Variants in ADCY5 observed in about 807,000 individuals in gnomAD.
The protein encoded by ADCY5 is adenylate cyclase type 5.
In ADCY5, 30 loss-of-function variants were observed where a neutral mutation model predicts 119.7. The observed-to-expected ratio is 0.25, with a 90% CI of 0.19 to 0.34. The LOEUF (loss-of-function observed/expected upper bound fraction) is 0.34. ADCY5 is among the 10% of genes least tolerant of loss of function. ADCY5 has a pLI of 1.00. For synonymous variants in ADCY5, 753 were observed against 762.2 expected (o/e 0.99, Z 0.20); for missense variants, 1,324 against 1,775.2 (o/e 0.75, Z 4.57).
chr3:123,320,611 G>T, intron 9 of ADCY5, 138 bp downstream of exon 9: 1 of 1,211,214 alleles, frequency 8.3e-7, no homozygotes, highest in Non-Finnish European at 1.2e-6. Context: ...TGACGGCTAG[G>T]GTGGGCTCCA....
chr3:123,418,118 T>C (rs1945224975), intron 1 of ADCY5, among the ~76,000 whole-genome samples: 1 of 152,202 alleles, frequency 6.6e-6, no homozygotes, highest in Non-Finnish European at 1.5e-5. Context: ...TGATCACTGG[T>C]TCCTGGAAAG....
chr3:123,288,104 G>A (rs1316466819), intron 19 of ADCY5, among the ~76,000 whole-genome samples: 1 of 152,238 alleles, frequency 6.6e-6, no homozygotes, highest in Non-Finnish European at 1.5e-5. Flanking sequence ...GGGGCCTCCA[G>A]CAGCCAGTGC....
intron 1 of ADCY5, among the ~76,000 whole-genome samples, chr3:123,412,507 A>G (rs1419691984): frequency 6.6e-6 from 1 of 152,208 alleles, no homozygotes; most frequent in African/African-American, 2.4e-5. Flanking sequence ...TTTCAAGCGT[A>G]TGAAGACAGC....
chr3:123,446,919 T>C (rs1330374704), intron 1 of ADCY5, among the ~76,000 whole-genome samples: 3 of 152,258 alleles, frequency 2.0e-5, no homozygotes, highest in Admixed American at 6.5e-5. Flanking sequence ...CTTAGACAGG[T>C]GGCAGGCTCA....
chr3:123,367,851 GAA>G (rs146718564), intron 1 of ADCY5: 3 of 1,175,828 alleles, frequency 2.6e-6, no homozygotes, highest in South Asian at 1.6e-5. Context: ...GAATCCAGAA[GAA>G]AAAAAAAAAC....
chr3:123,444,536 A>G (rs1004114684), intron 1 of ADCY5, among the ~76,000 whole-genome samples: 5 of 152,204 alleles, frequency 3.3e-5, no homozygotes, highest in African/African-American at 1.2e-4. Flanking sequence ...CCATCCCACC[A>G]AGAGGGGCTG....
At chr3:123,348,589 T>C (rs1185259691) in intron 2 of ADCY5, among the ~76,000 whole-genome samples, 2 of 152,054 alleles carry the variant, frequency 1.3e-5, no homozygotes, top group Admixed American at 1.3e-4. Context: ...TGGGGGACAG[T>C]GGCCCAGGAG....
chr3:123,413,960 G>A (rs1945125254), intron 1 of ADCY5, among the ~76,000 whole-genome samples: 1 of 152,164 alleles, frequency 6.6e-6, no homozygotes, highest in Non-Finnish European at 1.5e-5. Flanking sequence ...CTCTCAGATG[G>A]GACGATGCAG....
In ADCY5 at chr3:123,360,350, C is replaced by T. The variant is rs576041719; in HGVS notation, c.1135-7769G>A. On this transcript the variant is annotated intron_variant, in intron 1 of 20. Transcript: ENST00000462833. ...CCTCTCCTTTCCAGCTAGGATCTAG[C>T]TGCTCTGGGATTGTCACTCTCCCTT... 4.4e-4 allele frequency among the ~76,000 whole-genome samples: 67 copies of T among 152,102 alleles called. 1 individual carries two copies. Among genetic ancestry groups the T allele is most frequent in the Non-Finnish European group, 2.9e-4 (20 of 68,016 alleles).
At chr3:123,418,092 G>A (rs980609819) in intron 1 of ADCY5, among the ~76,000 whole-genome samples, 14 of 152,300 alleles carry the variant, frequency 9.2e-5, no homozygotes, top group South Asian at 8.3e-4. Context: ...CAGATCCCAG[G>A]AGGTGAGACC....
Position 123,327,647 on chromosome 3 carries a change from A to T in ADCY5, c.1918T>A (p.Phe640Ile), listed in dbSNP as rs1303276782. ...AYLKEHSIET[F>I]LILRCTQKRK... ...TTCTGGGTGCAGCGCAGGATGAGGA[A>T]GGTCTCGATACTGTGCTCCTTGAGG... The change falls in exon 7 of 21, where the codon TTC becomes ATC. Residue 640 changes from phenylalanine (F) to isoleucine (I), a missense_variant. Physicochemically the swap from Phe to Ile is conservative, Grantham distance 21. Around this residue, in one of 6 missense-constraint regions of ADCY5, gnomAD observed 424 missense variants for 546.8 expected, o/e 0.78. Coordinates refer to ENST00000462833, the MANE Select transcript of ADCY5 (RefSeq NM_183357.3). 6.2e-7 allele frequency: 1 copy of T among 1,613,996 alleles called. No individual in the cohort carries two copies. The highest frequency in any genetic ancestry group is 1.7e-5 in the Admixed American group (1 of 60,004).
At chr3:123,339,421 T>C (rs1051845484) in intron 3 of ADCY5, among the ~76,000 whole-genome samples, 1 of 151,904 alleles carries the variant, frequency 6.6e-6, no homozygotes, top group Non-Finnish European at 1.5e-5. Flanking sequence ...ACAAAAAAGA[T>C]GAGAGAGGGG....
At chr3:123,370,973 G>C (rs1383054797) in intron 1 of ADCY5, among the ~76,000 whole-genome samples, 1 of 152,238 alleles carries the variant, frequency 6.6e-6, no homozygotes. Context: ...ATGGTTGAAG[G>C]CATCTGAGCA....
intron 17 of ADCY5, among the ~76,000 whole-genome samples, chr3:123,292,485 C>G (rs982977669): frequency 1.3e-5 from 2 of 152,184 alleles, no homozygotes; most frequent in African/African-American, 4.8e-5. Context: ...GGGAATGTGG[C>G]TGTGAGGACT....
At chr3:123,411,380 C>G (rs369634844) in intron 1 of ADCY5, among the ~76,000 whole-genome samples, 1 of 152,330 alleles carries the variant, frequency 6.6e-6, no homozygotes, top group East Asian at 1.9e-4. Context: ...AGACCCCTGA[C>G]AGGCCTCACC....
chr3:123,373,758 G>GCCTCCCCCCCCCCC (rs1943718682), intron 1 of ADCY5, among the ~76,000 whole-genome samples: 2 of 37,090 alleles, frequency 5.4e-5, no homozygotes, highest in African/African-American at 7.2e-5. Flanking sequence ...GAAGCATCAC[G>GCCTCCCCCCCCCCC]CCCCCCCCCC....
chr3:123,358,195 T>TGTGTGA (rs58986112), intron 1 of ADCY5, among the ~76,000 whole-genome samples: 5,047 of 149,126 alleles, frequency 0.034, 251 homozygotes, highest in East Asian at 0.13. Context: ...TGTGTGTGTG[T>TGTGTGA]AGGGAGTTGG....
intron 1 of ADCY5, among the ~76,000 whole-genome samples, chr3:123,372,116 TG>T (rs1943664991): frequency 6.6e-6 from 1 of 152,182 alleles, no homozygotes; most frequent in African/African-American, 2.4e-5. Flanking sequence ...GAGCCCTGGT[TG>T]TCTCCTGAAA....
intron 1 of ADCY5, among the ~76,000 whole-genome samples, chr3:123,388,554 G>A (rs1944304201): frequency 6.9e-6 from 1 of 144,172 alleles, no homozygotes; most frequent in Non-Finnish European, 1.6e-5. Flanking sequence ...GGCTGGGCCA[G>A]AGGGACAGAT....
Sources: allele counts gnomAD v4.1 joint callset (sites outside exome capture counted in the v4.1 genomes callset), GRCh38; gene constraint gnomAD v4.1.1; regional missense constraint gnomAD v4.1.1; transcripts MANE v1.5; gene names NCBI Gene and HGNC (gene_info 2026-07-23, HGNC 2026-07-21).